The following RAD51AP2 variants were observed in gnomAD, a reference collection of about 807,000 sequenced individuals.
RAD51AP2 encodes the protein RAD51-associated protein 2.
In RAD51AP2, 67 loss-of-function variants were observed where a neutral mutation model predicts 85.5. The ratio of observed to expected loss-of-function variants is 0.78; its 90% CI spans 0.64 to 0.96. RAD51AP2 has a LOEUF of 0.96. Among genes scored for constraint, RAD51AP2 ranks in the 40% least tolerant of loss-of-function variants. The pLI is 0.00. For synonymous variants in RAD51AP2, 474 were observed against 446.5 expected, an observed-to-expected ratio of 1.06 and a Z score of -0.78; for missense variants, 1,307 against 1,332.4, an observed-to-expected ratio of 0.98 and a Z score of 0.30.
In RAD51AP2 at chr2:17,517,654, G is replaced by T. The variant is rs372561956; in HGVS notation, c.762C>A (p.Ser254Arg). The T allele has an allele frequency of 6.2e-7, 1 of 1,613,848 alleles. No individual in the cohort carries two copies. The highest frequency in any genetic ancestry group is 1.3e-5 in the African/African-American group (1 of 74,874). ...EIAKPSYFRD[S>R]GTISVPQFPM... ...GAAACTGAGGGACACTTATTGTGCCGCTATCTCTAAAATAGCTAGGTTTGG... is the reference window on the plus strand; with the variant it reads ...GAAACTGAGGGACACTTATTGTGCCTCTATCTCTAAAATAGCTAGGTTTGG... The change falls in exon 1 of 3, where the codon AGC becomes AGA. Residue 254 changes from serine (S) to arginine (R), a missense_variant. Ser to Arg is a moderately radical substitution (Grantham distance 110). This residue lies in a region of RAD51AP2 where 635 missense variants were observed against 643.6 expected (regional missense o/e 0.99). Coordinates refer to ENST00000399080, the MANE Select transcript of RAD51AP2 (RefSeq NM_001099218.3).
At position 17,517,172 on chromosome 2, in the gene RAD51AP2, T is replaced by C. The variant is rs1558266491; in HGVS notation, c.1244A>G (p.Asn415Ser). ...CATATTTTCACATTTAGTCTTGCAA[T>C]TATTTATAATCCAACAATTTCCTCT... ...RNRGNCWIINNCKTKCENMKK... is the reference protein window; with the variant it reads ...RNRGNCWIINSCKTKCENMKK... The change falls in exon 1 of 3, where the codon AAT becomes AGT. Residue 415 changes from asparagine to serine, a missense_variant. Asn to Ser is a conservative substitution (Grantham distance 46, BLOSUM62 1). This residue lies in a region of RAD51AP2 where 635 missense variants were observed against 643.6 expected (regional missense o/e 0.99). Transcript: ENST00000399080. 3 of 1,609,820 alleles carry C rather than the reference T, an allele frequency of 1.9e-6. No homozygotes were observed. The highest frequency in any genetic ancestry group is 1.7e-4 in the Middle Eastern group (1 of 6,044).
At chr2:17,522,769 A>G (rs1662884006), upstream of RAD51AP2, among the ~76,000 whole-genome samples, 1 of 151,918 alleles carries the variant, frequency 6.6e-6, no homozygotes. Flanking sequence ...TCTTTTTTTA[A>G]TCATATAAAC....
At chr2:17,525,834 G>A in the RAD51AP2 span, among the ~76,000 whole-genome samples, 13 of 151,850 alleles carry the variant, frequency 8.6e-5, no homozygotes, top group Non-Finnish European at 2.9e-5. Context: ...TATAGAATAC[G>A]GGCTGCTTGG....
intron 2 of RAD51AP2, among the ~76,000 whole-genome samples, chr2:17,513,196 C>T (rs1302154788): frequency 1.4e-5 from 2 of 147,656 alleles, no homozygotes; most frequent in Non-Finnish European, 3.0e-5. Flanking sequence ...ATCTGTTGGG[C>T]AAAAGATAAG....
At chr2:17,511,025 CATG>C (rs1662478816) in intron 2 of RAD51AP2, 70 bp from the exon 3 acceptor site, 2 of 1,065,916 alleles carry the variant, frequency 1.9e-6, no homozygotes, top group Admixed American at 2.9e-5. Flanking sequence ...TACTTCTAAT[CATG>C]ATATTAGCAA....
At chr2:17,534,875 G>T in the RAD51AP2 span, among the ~76,000 whole-genome samples, 1 of 152,100 alleles carries the variant, frequency 6.6e-6, no homozygotes, top group East Asian at 1.9e-4. Flanking sequence ...ATGCTTAAAA[G>T]TTATAAAGTT....
the RAD51AP2 span, among the ~76,000 whole-genome samples, chr2:17,525,109 G>A: frequency 6.6e-6 from 1 of 151,898 alleles, no homozygotes; most frequent in Admixed American, 6.6e-5. Flanking sequence ...TTACAAGAAG[G>A]CTTGGCCAAT....
At chr2:17,531,646 A>G in the RAD51AP2 span, among the ~76,000 whole-genome samples, 3 of 152,364 alleles carry the variant, frequency 2.0e-5, no homozygotes, top group South Asian at 6.2e-4. Context: ...TCTTAAGCAG[A>G]ATTTGAATTA....
intron 2 of RAD51AP2, among the ~76,000 whole-genome samples, chr2:17,512,159 A>C (rs1662511107): frequency 6.6e-6 from 1 of 152,194 alleles, no homozygotes; most frequent in East Asian, 1.9e-4. Flanking sequence ...GAAGACATTT[A>C]GTAGTCAACG....
At chr2:17,530,652 C>T in the RAD51AP2 span, among the ~76,000 whole-genome samples, 3 of 144,814 alleles carry the variant, frequency 2.1e-5, no homozygotes, top group Non-Finnish European at 1.5e-5. Context: ...TCCTCTAGAC[C>T]AAAGTGGGAA....
At chr2:17,518,453 G>T (rs77886839), upstream of RAD51AP2, 3 of 1,582,776 alleles carry the variant, frequency 1.9e-6, no homozygotes, top group Middle Eastern at 2.3e-4. Flanking sequence ...GTCCCGGCGG[G>T]GCTCCAATCC....
chr2:17,525,206 G>T, the RAD51AP2 span, among the ~76,000 whole-genome samples: 27 of 152,070 alleles, frequency 1.8e-4, no homozygotes, highest in African/African-American at 6.5e-4. Flanking sequence ...ATAGTAACTT[G>T]CCTATCCTGA....
rs973065886 is a variant in RAD51AP2 at position 17,514,539 on chromosome 2, G to C, written c.3248-447C>G. Among the ~76,000 whole-genome samples the C allele has an allele frequency of 6.2e-5, 8 of 128,698 alleles. No individual in the cohort carries two copies. The East Asian group carries it at 1.2e-3, about 19-fold the overall frequency. The allele number at this position is 128,698 out of a possible 152,430, so 84.4% of individuals were successfully genotyped here. On this transcript the variant is annotated intron_variant, in intron 1 of 2. Coordinates refer to ENST00000399080, the MANE Select transcript of RAD51AP2 (RefSeq NM_001099218.3). ...CATTTTGGGAGGCCGAGGGCGGCGGGGGGGGTGGATCACAAGGTCAGGAGT... is the reference window on the plus strand; with the variant it reads ...CATTTTGGGAGGCCGAGGGCGGCGGCGGGGGTGGATCACAAGGTCAGGAGT...
chr2:17,521,387 G>A (rs1662853709), upstream of RAD51AP2, among the ~76,000 whole-genome samples: 1 of 152,014 alleles, frequency 6.6e-6, no homozygotes, highest in African/African-American at 2.4e-5. Flanking sequence ...CCAGAAATAT[G>A]ACAAGACAGT....
chr2:17,524,750 G>A, the RAD51AP2 span, among the ~76,000 whole-genome samples: 2 of 151,890 alleles, frequency 1.3e-5, no homozygotes, highest in Non-Finnish European at 2.9e-5. Flanking sequence ...CCTACCATAT[G>A]ATAGACATTT....
Position 17,518,004 on chromosome 2 carries a change from G to A in RAD51AP2, c.412C>T (p.His138Tyr). ...RASGRSEAGLHDREAFSVHRS... is the reference protein window; with the variant it reads ...RASGRSEAGLYDREAFSVHRS... ...TGCACACTGAAAGCCTCTCTGTCAT[G>A]CAGGCCTGCCTCAGACCTTCCTGAA... is the stretch of plus-strand genomic sequence containing the variant. Residue 138 changes from histidine (H) to tyrosine (Y), a missense_variant, in exon 1 of 3, where the codon CAT becomes TAT. By Grantham distance (83) the His-to-Tyr change is moderately conservative. This residue lies in a region of RAD51AP2 where 635 missense variants were observed against 643.6 expected (regional missense o/e 0.99). Transcript: ENST00000399080. 1 of 1,614,142 alleles carries A rather than the reference G, an allele frequency of 6.2e-7. No individual in the cohort carries two copies. The highest frequency in any genetic ancestry group is 1.1e-5 in the South Asian group (1 of 91,078).
At chr2:17,514,191 G>C (rs1193353507) in intron 1 of RAD51AP2, 99 bp from the exon 2 acceptor site, 5 of 770,536 alleles carry the variant, frequency 6.5e-6, no homozygotes, top group Non-Finnish European at 8.6e-6. Flanking sequence ...TCCTTCAGTT[G>C]GCTCCTAATA....
chr2:17,513,543 T>C (rs983894823), intron 2 of RAD51AP2, among the ~76,000 whole-genome samples: 3 of 152,150 alleles, frequency 2.0e-5, no homozygotes, highest in Non-Finnish European at 4.4e-5. Flanking sequence ...GGCCTAGTTG[T>C]ATTTTTAATG....
In RAD51AP2 at chr2:17,517,023, C is replaced by A; in HGVS notation, c.1393G>T (p.Glu465Ter). Residue 465 changes from glutamate to a stop codon, truncating the protein, a stop_gained, in exon 1 of 3, where the codon GAA becomes TAA. Coordinates refer to ENST00000399080, the MANE Select transcript of RAD51AP2 (RefSeq NM_001099218.3). LOFTEE classifies it high-confidence loss of function. ...YEEQSKLLVR[E>*]ILGSQTALIT... is the part of the protein sequence containing the mutation. Reference sequence around the variant, plus strand: ...AAAGCTGTCTGACTACCTAATATTTCTCTTACGAGAAGCTTTGATTGTTCT... The same window carrying A: ...AAAGCTGTCTGACTACCTAATATTTATCTTACGAGAAGCTTTGATTGTTCT... 1.2e-6 allele frequency: 2 copies of A among 1,603,620 alleles called. No individual in the cohort carries two copies. The highest frequency in any genetic ancestry group is 1.7e-6 in the Non-Finnish European group (2 of 1,177,250).
Sources: gnomAD v4.1 joint callset for allele counts (sites outside exome capture counted in the v4.1 genomes callset) on GRCh38, gnomAD v4.1.1 for gene constraint, gnomAD v4.1.1 regional missense constraint, MANE v1.5 for transcripts, NCBI Gene and HGNC (gene_info 2026-07-23, HGNC 2026-07-21) for gene names.